DLGAP3: variants seen among roughly 807,000 people sequenced by gnomAD.
The protein encoded by DLGAP3 is disks large-associated protein 3.
A neutral mutation model predicts 81.2 loss-of-function variants in DLGAP3; 17 were observed. The ratio of observed to expected loss-of-function variants is 0.21; its 90% CI spans 0.14 to 0.31. DLGAP3 has a LOEUF of 0.31. Ranked by LOEUF, DLGAP3 falls within the 10% of genes least tolerant of loss-of-function variation. The pLI is 1.00. For synonymous variants in DLGAP3, 577 were observed against 587.4 expected (o/e 0.98, Z 0.26); for missense variants, 1,124 against 1,388.0 (o/e 0.81, Z 3.02).
intron 5 of DLGAP3, among the ~76,000 whole-genome samples, chr1:34,897,791 T>C (rs779218836): frequency 1.3e-5 from 2 of 151,924 alleles, no homozygotes; most frequent in Non-Finnish European, 2.9e-5. Flanking sequence ...CCGGTGGCAG[T>C]GGAGATGGTG....
rs1260622650 is a variant in DLGAP3 at position 34,905,287 on chromosome 1, A to G, written c.97T>C (p.Tyr33His). 1.9e-6 allele frequency: 2 copies of G among 1,072,666 alleles called. No homozygotes were observed. Among genetic ancestry groups the G allele is most frequent in the Non-Finnish European group, 1.3e-6 (1 of 760,000 alleles). The allele number at this position is 1,072,666 out of a possible 1,614,324, so 66.4% of individuals were successfully genotyped here. ...AAGGCCTCCCTGGAGCCCAGCAGGT[A>G]TGGGGCCCTGGCAGCAGGGCCCACG... is the stretch of plus-strand genomic sequence containing the variant. ...MDVGPAARAP[Y>H]LLGSREAFST... The change falls in exon 3 of 12, where the codon TAC (tyrosine) becomes CAC (histidine). Residue 33 changes from tyrosine to histidine, a missense_variant. Physicochemically the swap from Tyr to His is moderately conservative, Grantham distance 83. Transcript: ENST00000373347.
At position 34,910,131 on chromosome 1, in the gene DLGAP3, G is replaced by T. The variant is rs1639617252; in HGVS notation, c.-134-2694C>A. On this transcript the variant is annotated intron_variant, in intron 1 of 11. Transcript: ENST00000373347. ...GCCACCACAAAAGGCCTAGAGAACTGCAGAGATGTCAGTTCTGGCATCATC... is the reference window on the plus strand; with the variant it reads ...GCCACCACAAAAGGCCTAGAGAACTTCAGAGATGTCAGTTCTGGCATCATC... Among the ~76,000 whole-genome samples, 6 of 152,306 alleles carry T rather than the reference G, an allele frequency of 3.9e-5. No homozygotes were observed. The South Asian group carries it at 1.2e-3, about 32-fold the overall frequency.
chr1:34,871,530 T>C (rs1034116580), intron 8 of DLGAP3, among the ~76,000 whole-genome samples: 15 of 152,236 alleles, frequency 9.9e-5, no homozygotes, highest in Non-Finnish European at 2.2e-4. Context: ...CTAGCTGCAC[T>C]GTTAGGATGC....
chr1:34,890,726 G>A (rs913627332), intron 5 of DLGAP3, among the ~76,000 whole-genome samples: 5 of 152,208 alleles, frequency 3.3e-5, no homozygotes, highest in Non-Finnish European at 7.3e-5. Context: ...TTCACCCAGT[G>A]AAGCCTTGAG....
chr1:34,903,644 CG>C (rs747323443), intron 3 of DLGAP3, among the ~76,000 whole-genome samples: 8 of 152,120 alleles, frequency 5.3e-5, no homozygotes, highest in Non-Finnish European at 1.2e-4. Context: ...CATCCACTCC[CG>C]GGAGGCCCTG....
Position 34,885,044 on chromosome 1 carries a change from G to A in DLGAP3, c.1934C>T (p.Ser645Leu). Reference sequence around the variant, plus strand: ...CCTCCGGCTCCTGTTCTCGGTGTCCGAATCTGAGATCGTCTCCACCTGGTG... The same window carrying A: ...CCTCCGGCTCCTGTTCTCGGTGTCCAAATCTGAGATCGTCTCCACCTGGTG... Reference protein sequence around the residue: ...IGVQVETISDSDTENRSRREF... With the variant: ...IGVQVETISDLDTENRSRREF... The change falls in exon 8 of 12, where the codon TCG becomes TTG. Residue 645 changes from serine to leucine, a missense_variant. Physicochemically the swap from Ser to Leu is moderately radical, Grantham distance 145 (BLOSUM62 -2). Transcript: ENST00000373347. 1 of 1,613,466 alleles carries A rather than the reference G, an allele frequency of 6.2e-7. No individual in the cohort carries two copies. The highest frequency in any genetic ancestry group is 1.1e-5 in the South Asian group (1 of 91,052).
Position 34,866,232 on chromosome 1 carries a change from G to C in DLGAP3, c.2791C>G (p.Arg931Gly). The stretch of plus-strand genomic sequence containing the variant: ...TGCCGGTCCACGGAGTCCAGGGAGC[G>C]CTCCTTCACCGGCACGCCCCGGCCC... ...LRGRGVPVKE[R>G]SLDSVDRQRQ... The change falls in exon 12 of 12, where the codon CGC becomes GGC. Residue 931 changes from arginine to glycine, a missense_variant. Transcript: ENST00000373347. 2 of 1,582,372 alleles carry C rather than the reference G, an allele frequency of 1.3e-6. No homozygotes were observed. Among genetic ancestry groups the C allele is most frequent in the Non-Finnish European group, 8.6e-7 (1 of 1,168,062 alleles).
At chr1:34,899,787 A>T in intron 4 of DLGAP3, 46 bp from the exon 5 acceptor site, 76 of 1,504,036 alleles carry the variant, frequency 5.1e-5, no homozygotes, top group Non-Finnish European at 6.2e-5. Flanking sequence ...GACTGCTAGG[A>T]GGTGGGGGAG....
At position 34,868,805 on chromosome 1, in the gene DLGAP3, G is replaced by A; in HGVS notation, c.2285C>T (p.Pro762Leu). 1 of 1,582,492 alleles carries A rather than the reference G, an allele frequency of 6.3e-7. No homozygotes were observed. Among genetic ancestry groups the A allele is most frequent in the South Asian group, 1.1e-5 (1 of 89,280 alleles). Reference protein sequence around the residue: ...TDGSPGPAPAPTPGPGAGRRD... With the variant: ...TDGSPGPAPALTPGPGAGRRD... ...GCGGCCGGCCCCAGGGCCGGGGGTG[G>A]GGGCGGGGGCAGGGCCGGGCGACCC... The change falls in exon 9 of 12, where the codon CCC becomes CTC. Residue 762 changes from proline to leucine, a missense_variant. This residue lies in a region of DLGAP3 where 379 missense variants were observed against 455.7 expected (regional missense o/e 0.83). Transcript: ENST00000373347. This position sits in a 1 kb window ranked among gnomAD's most constrained non-coding sequence, Gnocchi z 7.5.
intron 5 of DLGAP3, among the ~76,000 whole-genome samples, chr1:34,887,244 C>G (rs918848248): frequency 5.9e-5 from 9 of 151,962 alleles, no homozygotes; most frequent in Admixed American, 2.6e-4. Flanking sequence ...CGTGAGCCAC[C>G]GCACCCGGCC....
At chr1:34,915,456 T>C (rs1639702469) in intron 1 of DLGAP3, among the ~76,000 whole-genome samples, 2 of 152,218 alleles carry the variant, frequency 1.3e-5, no homozygotes, top group Non-Finnish European at 2.9e-5. Context: ...TTACTCAGCC[T>C]GGCCATACCA....
At chr1:34,908,277 G>T (rs7555884) in intron 1 of DLGAP3, among the ~76,000 whole-genome samples, 78,668 of 152,086 alleles carry the variant, frequency 0.52, 20,976 homozygotes, top group South Asian at 0.62. Context: ...GTTAGGCTAC[G>T]TCAGATGAGA....
At position 34,895,681 on chromosome 1, in the gene DLGAP3, C is replaced by A. The variant is rs775100585; in HGVS notation, c.1386+3988G>T. On this transcript the variant is annotated intron_variant, in intron 5 of 11. Transcript: ENST00000373347. This position sits in a 1 kb window ranked among gnomAD's most constrained non-coding sequence, Gnocchi z 4.5. ...TTCAGCTTACCAAAATCAATCCTTA[C>A]CACACAGTTACAGCAATCAAAGCAT... is the stretch of plus-strand genomic sequence containing the variant. Among the ~76,000 whole-genome samples, 1 of 152,038 alleles carries A rather than the reference C, an allele frequency of 6.6e-6. No individual in the cohort carries two copies. Among genetic ancestry groups the A allele is most frequent in the Non-Finnish European group, 1.5e-5 (1 of 68,024 alleles).
Position 34,868,172 on chromosome 1 carries a change from C to T in DLGAP3, c.2485+433G>A, listed in dbSNP as rs1638915761. 6.6e-6 allele frequency among the ~76,000 whole-genome samples: 1 copy of T among 152,182 alleles called. No individual in the cohort carries two copies. The highest frequency in any genetic ancestry group is 1.5e-5 in the Non-Finnish European group (1 of 68,024). On this transcript the variant is annotated intron_variant, in intron 9 of 11. Transcript: ENST00000373347. The surrounding 1 kb of genome is among the most constrained non-coding windows in gnomAD (Gnocchi z 7.5). ...CTCCCTCGGGCCAGGGCCACATCTC[C>T]CTGGCTGAATCTCCCTCTTCTGTGC...
At chr1:34,888,101 G>A (rs1011893372) in intron 5 of DLGAP3, among the ~76,000 whole-genome samples, 1 of 152,170 alleles carries the variant, frequency 6.6e-6, no homozygotes, top group Non-Finnish European at 1.5e-5. Context: ...ATAACAGCAA[G>A]TATCACATGG....
At chr1:34,883,661 A>AGCTCACATACTTGTACACCAC (rs1639177575) in intron 8 of DLGAP3, among the ~76,000 whole-genome samples, 117 of 152,278 alleles carry the variant, frequency 7.7e-4, no homozygotes, top group African/African-American at 2.7e-3. Context: ...GCAGGTTTAG[A>AGCTCACATACTTGTACACCAC]AGTCATGCAG....
Position 34,867,422 on chromosome 1 carries a change from C to A in DLGAP3, c.2577+114G>T, listed in dbSNP as rs752915191. 15 of 1,082,310 alleles carry A rather than the reference C, an allele frequency of 1.4e-5. No homozygotes were observed. Among genetic ancestry groups the A allele is most frequent in the Non-Finnish European group, 2.0e-5 (14 of 698,028 alleles). The allele number at this position is 1,082,310 out of a possible 1,614,324, so 67.0% of individuals were successfully genotyped here. A position where few individuals can be genotyped will look rare whatever the true frequency, so the allele number is the denominator to read the frequency against. ...ACAGCTACCCCAGAAGGCATGCAGG[C>A]CTGGTCTCACCTCTGGTACACACTC... On this transcript the variant is annotated intron_variant, in intron 10 of 11. Transcript: ENST00000373347. This position sits in a 1 kb window ranked among gnomAD's most constrained non-coding sequence, Gnocchi z 4.3.
intron 2 of DLGAP3, 88 bp downstream of exon 2, chr1:34,907,267 G>T (rs1303896217): frequency 6.6e-6 from 1 of 152,566 alleles, no homozygotes; most frequent in African/African-American, 2.4e-5. Flanking sequence ...GTAAGTGGAT[G>T]AGTCACTTTG....
Position 34,922,957 on chromosome 1 carries a change from AT to A in DLGAP3, c.-135+6493del, listed in dbSNP as rs919234612. ...CCACTCTCAGTGGGAAAAAATCGTC[AT>A]TTTTTTTTTTAAAAGGGCCCTGTCA... On this transcript the variant is annotated intron_variant, in intron 1 of 11. Coordinates refer to ENST00000373347, the MANE Select transcript of DLGAP3 (RefSeq NM_001080418.3). Among the ~76,000 whole-genome samples the A allele has an allele frequency of 4.1e-3, 605 of 146,510 alleles. 3 individuals carry two copies. Among genetic ancestry groups the A allele is most frequent in the African/African-American group, 0.013 (516 of 39,962 alleles).
Sources: gnomAD v4.1 joint callset for allele counts (sites outside exome capture counted in the v4.1 genomes callset) on GRCh38, gnomAD v4.1.1 for gene constraint, gnomAD v4.1.1 regional missense constraint, Gnocchi (gnomAD v3.1) non-coding constraint, MANE v1.5 for transcripts, NCBI Gene and HGNC (gene_info 2026-07-23, HGNC 2026-07-21) for gene names.